Variants in INTS9 observed in about 807,000 individuals in gnomAD.
INTS9 encodes the protein protein related to CPSF subunits of 74 kDa.
In INTS9, 55 loss-of-function variants were observed where a neutral mutation model predicts 79.7. The ratio of observed to expected loss-of-function variants is 0.69; its 90% CI spans 0.56 to 0.86. INTS9 has a LOEUF of 0.86. Among genes scored for constraint, INTS9 ranks in the 40% least tolerant of loss-of-function variants. The pLI, the probability that INTS9 is intolerant of heterozygous loss-of-function variation, is 0.00. For synonymous variants in INTS9, 319 were observed against 325.2 expected (o/e 0.98, Z 0.20); for missense variants, 721 against 831.5 (o/e 0.87, Z 1.64).
At chr8:28,876,199 C>T (rs960347624) in intron 1 of INTS9, among the ~76,000 whole-genome samples, 1 of 152,086 alleles carries the variant, frequency 6.6e-6, no homozygotes, top group South Asian at 2.1e-4. Flanking sequence ...TCCAAGGAAA[C>T]CTTGCAATTT....
chr8:28,888,939 C>CTGT (rs1297322081), intron 1 of INTS9, among the ~76,000 whole-genome samples: 2 of 151,614 alleles, frequency 1.3e-5, no homozygotes, highest in East Asian at 3.9e-4. Flanking sequence ...GAGTCTCGCG[C>CTGT]TGTTGCAAGG....
intron 2 of INTS9, among the ~76,000 whole-genome samples, chr8:28,854,035 T>C (rs1808006587): frequency 6.6e-6 from 1 of 152,140 alleles, no homozygotes; most frequent in African/African-American, 2.4e-5. Context: ...ATTTCTTTTT[T>C]ATTTTTATTA....
rs181600355 is a variant in INTS9, at chr8:28,873,811, A to C, written c.10-14248T>G. Among the ~76,000 whole-genome samples, 3 of 152,338 alleles carry C rather than the reference A, an allele frequency of 2.0e-5. No individual in the cohort carries two copies. In the East Asian group the frequency reaches 5.8e-4, roughly 29 times the overall value. ...ATGTGACTGAGAATATGTATTTATC[A>C]GTTCTGGAAGAAGAGGATCCCCCCT... On this transcript the variant is annotated intron_variant, in intron 1 of 16. Transcript: ENST00000521022.
At chr8:28,799,182 C>T (rs1483022414) in intron 8 of INTS9, among the ~76,000 whole-genome samples, 2 of 152,076 alleles carry the variant, frequency 1.3e-5, no homozygotes, top group Non-Finnish European at 1.5e-5. Flanking sequence ...TGTAATCCCA[C>T]CTACTCGGGA....
chr8:28,858,548 G>A (rs930722309), intron 2 of INTS9, among the ~76,000 whole-genome samples: 1 of 152,180 alleles, frequency 6.6e-6, no homozygotes, highest in African/African-American at 2.4e-5. Context: ...AATTCCATCT[G>A]CTTTGCATAA....
chr8:28,823,341 A>G (rs1409760070), intron 6 of INTS9, among the ~76,000 whole-genome samples: 1 of 152,178 alleles, frequency 6.6e-6, no homozygotes, highest in East Asian at 1.9e-4. Context: ...TTTTATCTGT[A>G]GGGAAAGGGA....
intron 6 of INTS9, among the ~76,000 whole-genome samples, chr8:28,814,126 C>A (rs1805325269): frequency 1.3e-5 from 2 of 150,918 alleles, no homozygotes; most frequent in African/African-American, 4.9e-5. Context: ...AATGTGTCAA[C>A]AGAAAAACGT....
At chr8:28,803,294 A>G (rs560912431) in intron 8 of INTS9, among the ~76,000 whole-genome samples, 3 of 152,248 alleles carry the variant, frequency 2.0e-5, no homozygotes, top group South Asian at 2.1e-4. Context: ...TCAAACCAAC[A>G]TAATACAAAA....
At chr8:28,787,939 C>T (rs765033027) in intron 10 of INTS9, 50 bp from the exon 11 acceptor site, 5 of 1,323,448 alleles carry the variant, frequency 3.8e-6, no homozygotes, top group Non-Finnish European at 5.4e-6. Context: ...CATACGGTGG[C>T]ATCTGTTGCC....
chr8:28,792,127 C>A (rs573792715), intron 10 of INTS9, among the ~76,000 whole-genome samples: 4 of 152,162 alleles, frequency 2.6e-5, no homozygotes, highest in South Asian at 2.1e-4. Context: ...ATCACTCAAT[C>A]AGGATAGTCT....
At chr8:28,849,939 G>A in intron 3 of INTS9, 1 of 312,496 alleles carries the variant, frequency 3.2e-6, no homozygotes, top group Non-Finnish European at 5.8e-6. Context: ...AATAATAGTT[G>A]TCTTTCTGTG....
rs1290217989 is a variant in INTS9 at position 28,778,017 on chromosome 8, G to T, written c.1271-64C>A. 5.3e-6 allele frequency: 8 copies of T among 1,497,454 alleles called. 1 individual carries two copies. In the East Asian group the frequency reaches 1.5e-4, roughly 28 times the overall value. The allele number at this position is 1,497,454 out of a possible 1,614,324, so 92.8% of individuals were successfully genotyped here. A position where few individuals can be genotyped will look rare whatever the true frequency, so the allele number is the denominator to read the frequency against. ...TACACAGGAGCTGCCAAGCCAGACA[G>T]CAACTGGGGCGCTGAGGGCCCACAG... On this transcript the variant is annotated intron_variant, in intron 12 of 16. Coordinates refer to ENST00000521022, the MANE Select transcript of INTS9 (RefSeq NM_018250.4).
chr8:28,800,064 G>GATC (rs1403073754), intron 8 of INTS9, among the ~76,000 whole-genome samples: 1 of 152,132 alleles, frequency 6.6e-6, no homozygotes, highest in Non-Finnish European at 1.5e-5. Flanking sequence ...TCTCAGCACT[G>GATC]ATCACTCCAA....
At chr8:28,875,802 G>A (rs1460674569) in intron 1 of INTS9, among the ~76,000 whole-genome samples, 1 of 152,172 alleles carries the variant, frequency 6.6e-6, no homozygotes, top group Non-Finnish European at 1.5e-5. Context: ...CTGATAGGTA[G>A]GATCTATGTC....
chr8:28,834,423 A>G (rs929276493), intron 6 of INTS9, among the ~76,000 whole-genome samples: 3 of 152,026 alleles, frequency 2.0e-5, no homozygotes, highest in Non-Finnish European at 4.4e-5. Context: ...TCTTGCTCCA[A>G]CTCACCCCTT....
intron 8 of INTS9, among the ~76,000 whole-genome samples, chr8:28,807,125 T>G (rs1454753671): frequency 1.3e-5 from 2 of 152,110 alleles, no homozygotes; most frequent in Non-Finnish European, 2.9e-5. Flanking sequence ...GAAAACAGAC[T>G]TACACAAAAA....
chr8:28,871,710 A>T (rs1809106159), intron 1 of INTS9, among the ~76,000 whole-genome samples: 2 of 152,186 alleles, frequency 1.3e-5, no homozygotes, highest in African/African-American at 2.4e-5. Flanking sequence ...CTGACCTAGG[A>T]AAGAACTTTT....
At chr8:28,834,720 A>G (rs2131172825) in intron 6 of INTS9, among the ~76,000 whole-genome samples, 1 of 146,034 alleles carries the variant, frequency 6.8e-6, no homozygotes, top group South Asian at 2.2e-4. Context: ...CTTGTTGCCC[A>G]GGCTGGAGTG....
At chr8:28,802,806 C>G (rs1377726646) in intron 8 of INTS9, among the ~76,000 whole-genome samples, 2 of 152,078 alleles carry the variant, frequency 1.3e-5, no homozygotes, top group Non-Finnish European at 2.9e-5. Flanking sequence ...GTGTCACATT[C>G]TATTATAGAT....
Sources: gnomAD v4.1 joint callset for allele counts (sites outside exome capture counted in the v4.1 genomes callset) on GRCh38, gnomAD v4.1.1 for gene constraint, MANE v1.5 for transcripts, NCBI Gene and HGNC (gene_info 2026-07-23, HGNC 2026-07-21) for gene names.